Variants in NKD2 observed in about 807,000 individuals in gnomAD.
NKD2 encodes protein naked cuticle homolog 2.
In NKD2, 43 loss-of-function variants were observed where a neutral mutation model predicts 34.8. The observed-to-expected ratio is 1.24, with a 90% CI of 0.97 to 1.60. The LOEUF (loss-of-function observed/expected upper bound fraction) is 1.60. Among genes scored for constraint, NKD2 ranks in the 40% most tolerant of loss-of-function variants. The pLI, the probability that NKD2 is intolerant of heterozygous loss-of-function variation, is 0.00. For missense variants in NKD2, 675 were observed against 627.1 expected (o/e 1.08, Z -0.82); for synonymous variants, 278 against 265.1 (o/e 1.05, Z -0.47).
At chr5:1,027,845 G>A (rs1196500434) in intron 3 of NKD2, among the ~76,000 whole-genome samples, 3 of 152,234 alleles carry the variant, frequency 2.0e-5, no homozygotes, top group Non-Finnish European at 4.4e-5. Context: ...GACATCGCCC[G>A]CTCCAGGTGG....
rs1756670063 is a variant in NKD2 at position 1,032,175 on chromosome 5, G to A, written c.165G>A (p.Lys55=). Residue 55 remains lysine (K), a synonymous_variant, in exon 4 of 10, where the codon AAG becomes AAA. Coordinates refer to ENST00000296849, the MANE Select transcript of NKD2 (RefSeq NM_033120.4). ...AGGAGCTGCCCAATGGGGACCCCAA[G>A]GAGGGGCCTTTCCGGGAGGACCAGT... ...DKQELPNGDP[K]EGPFREDQCP... 1 of 1,610,770 alleles carries A rather than the reference G, an allele frequency of 6.2e-7. No homozygotes were observed. Among genetic ancestry groups the A allele is most frequent in the Non-Finnish European group, 8.5e-7 (1 of 1,179,122 alleles).
Position 1,037,989 on chromosome 5 carries a change from G to A in NKD2, c.972G>A (p.Lys324=). Residue 324 remains lysine (K), a synonymous_variant, in exon 10 of 10, where the codon AAG becomes AAA. Coordinates refer to ENST00000296849, the MANE Select transcript of NKD2 (RefSeq NM_033120.4). ...ARALDTQPRP[K]GPEKQFLKSP... ...CCCTGGACACGCAGCCCCGGCCGAA[G>A]GGGCCGGAGAAGCAGTTCCTCAAGT... is the stretch of plus-strand genomic sequence containing the variant. 1 of 1,606,398 alleles carries A rather than the reference G, an allele frequency of 6.2e-7. No homozygotes were observed. Among genetic ancestry groups the A allele is most frequent in the Non-Finnish European group, 8.5e-7 (1 of 1,178,032 alleles).
At chr5:1,033,970 C>T (rs1032840341) in intron 5 of NKD2, among the ~76,000 whole-genome samples, 2 of 152,230 alleles carry the variant, frequency 1.3e-5, no homozygotes, top group Non-Finnish European at 2.9e-5. Context: ...ACGTGGAGTG[C>T]TTGCATGAGC....
In NKD2 at chr5:1,038,358, C is replaced by T. The variant is rs1734126050; in HGVS notation, c.1341C>T (p.His447=). The T allele has an allele frequency of 1.3e-6, 2 of 1,536,054 alleles. No homozygotes were observed. The highest frequency in any genetic ancestry group is 1.7e-6 in the Non-Finnish European group (2 of 1,147,102). ...ACCACCACCACCACCACCACCACCACTTCCACCCGTCCTAGCGCCACTGCC... is the reference window on the plus strand; with the variant it reads ...ACCACCACCACCACCACCACCACCATTTCCACCCGTCCTAGCGCCACTGCC... ...HEHHHHHHHH[H]FHPS is the part of the protein sequence containing the mutation. Residue 447 remains histidine, a synonymous_variant, in exon 10 of 10, where the codon CAC becomes CAT. Coordinates refer to ENST00000296849, the MANE Select transcript of NKD2 (RefSeq NM_033120.4). This position sits in a 1 kb window ranked among gnomAD's most constrained non-coding sequence, Gnocchi z 4.5.
intron 3 of NKD2, among the ~76,000 whole-genome samples, chr5:1,028,588 G>A (rs368677364): frequency 9.9e-5 from 15 of 152,232 alleles, no homozygotes; most frequent in East Asian, 7.8e-4. Context: ...AGGGGACAAC[G>A]GGCATGGGGA....
chr5:1,027,344 CG>C (rs889304342), intron 3 of NKD2, among the ~76,000 whole-genome samples: 1 of 152,218 alleles, frequency 6.6e-6, no homozygotes, highest in Non-Finnish European at 1.5e-5. Context: ...CTGTGTCAGG[CG>C]GTGTAGGAGC....
At position 1,038,474 on chromosome 5, in the gene NKD2, C is replaced by T. The variant is rs779669812; in HGVS notation, c.*101C>T. The stretch of plus-strand genomic sequence containing the variant: ...GCTGTGTGCCCATGGGGAGCCCAGC[C>T]CCCACCCCCCACCTCCGACAGCAAA... On this transcript the variant is annotated 3_prime_UTR_variant, in exon 10 of 10. Transcript: ENST00000296849. This position sits in a 1 kb window ranked among gnomAD's most constrained non-coding sequence, Gnocchi z 4.5. 8 of 1,533,354 alleles carry T rather than the reference C, an allele frequency of 5.2e-6. No homozygotes were observed. The South Asian group carries it at 6.0e-5, about 11-fold the overall frequency. 95.0% of individuals were successfully genotyped at this position (1,533,354 alleles called of 1,614,324 possible).
intron 9 of NKD2, chr5:1,036,923 G>A (rs754231759): frequency 2.0e-4 from 82 of 404,810 alleles, no homozygotes; most frequent in African/African-American, 1.6e-3. Flanking sequence ...CAGTGTGGAC[G>A]GCGGGCAGTG....
intron 6 of NKD2, 54 bp from the exon 7 acceptor site, chr5:1,034,702 C>T (rs954009544): frequency 3.4e-5 from 52 of 1,550,446 alleles, no homozygotes; most frequent in South Asian, 1.6e-4. Flanking sequence ...GCAGGGAGGG[C>T]GGGTGGTGTC....
At chr5:1,018,860 A>G (rs925089851) in intron 3 of NKD2, among the ~76,000 whole-genome samples, 2 of 152,042 alleles carry the variant, frequency 1.3e-5, no homozygotes, top group Admixed American at 1.3e-4. Context: ...TGTCGTGGGG[A>G]GAGAGTGTCA....
chr5:1,009,427 CGT>C lies in NKD2; in HGVS notation c.62-53_62-52del. The C allele has an allele frequency of 7.1e-7, 1 of 1,414,264 alleles. No homozygotes were observed. Among genetic ancestry groups the C allele is most frequent in the South Asian group, 1.3e-5 (1 of 77,924 alleles). The allele number at this position is 1,414,264 out of a possible 1,614,324, so 87.6% of individuals were successfully genotyped here. Reference sequence around the variant, plus strand: ...CGCAGCGCCCGCGGGGCTCACGGCGCGTCTCTTTCCCTCCTCGGTGCGGGTTT... The same window carrying C: ...CGCAGCGCCCGCGGGGCTCACGGCGCCTCTTTCCCTCCTCGGTGCGGGTTT... On this transcript the variant is annotated intron_variant, in intron 2 of 9. Transcript: ENST00000296849. This position sits in a 1 kb window ranked among gnomAD's most constrained non-coding sequence, Gnocchi z 6.9.
chr5:1,018,023 C>G (rs917362452), intron 3 of NKD2, among the ~76,000 whole-genome samples: 2 of 152,018 alleles, frequency 1.3e-5, no homozygotes, highest in East Asian at 1.9e-4. Flanking sequence ...AGCGTGGCCC[C>G]CCAGAGGCTT....
At chr5:1,031,189 G>T (rs1756631928) in intron 3 of NKD2, among the ~76,000 whole-genome samples, 1 of 152,172 alleles carries the variant, frequency 6.6e-6, no homozygotes, top group African/African-American at 2.4e-5. Flanking sequence ...CAGCCCCATA[G>T]GAGGTCAGAA....
At chr5:1,028,437 G>C (rs1352854334) in intron 3 of NKD2, among the ~76,000 whole-genome samples, 1 of 152,206 alleles carries the variant, frequency 6.6e-6, no homozygotes, top group Non-Finnish European at 1.5e-5. Context: ...TGCTGAGTGA[G>C]GGAGTGGGGT....
chr5:1,018,594 C>G (rs1304032839), intron 3 of NKD2, among the ~76,000 whole-genome samples: 1 of 152,132 alleles, frequency 6.6e-6, no homozygotes, highest in South Asian at 2.1e-4. Context: ...CAGATGGTGA[C>G]GCCCAGCCCC....
intron 3 of NKD2, among the ~76,000 whole-genome samples, chr5:1,031,736 A>G (rs1184578660): frequency 6.6e-6 from 1 of 152,130 alleles, no homozygotes; most frequent in East Asian, 1.9e-4. Flanking sequence ...CTGGGCAGCC[A>G]TGCGGGCAGC....
intron 3 of NKD2, among the ~76,000 whole-genome samples, chr5:1,017,323 G>C (rs6861063): frequency 0.71 from 107,400 of 152,228 alleles, 44,474 homozygotes; most frequent in South Asian, 0.9. Flanking sequence ...ACTGTCCCGA[G>C]GGCGTGCCAG....
chr5:1,018,326 C>T (rs773817839), intron 3 of NKD2, among the ~76,000 whole-genome samples: 6 of 152,316 alleles, frequency 3.9e-5, no homozygotes, highest in Middle Eastern at 3.4e-3. Context: ...CCATGTTCCT[C>T]GGGCTCCGAG....
In NKD2 at chr5:1,028,851, G is replaced by A. The variant is rs180912484; in HGVS notation, c.142-3301G>A. Among the ~76,000 whole-genome samples the A allele has an allele frequency of 4.6e-5, 7 of 152,270 alleles. No individual in the cohort carries two copies. In the East Asian group the frequency reaches 1.2e-3, roughly 25 times the overall value. On this transcript the variant is annotated intron_variant, in intron 3 of 9. Coordinates refer to ENST00000296849, the MANE Select transcript of NKD2 (RefSeq NM_033120.4). ...GTCCTCAGGAGGGCGAGGCCAGGTG[G>A]GGGCTGCATCTCAGGGAGGGGCGCC...
Sources: allele counts gnomAD v4.1 joint callset (sites outside exome capture counted in the v4.1 genomes callset), GRCh38; gene constraint gnomAD v4.1.1; non-coding constraint Gnocchi (gnomAD v3.1); transcripts MANE v1.5; gene names NCBI Gene and HGNC (gene_info 2026-07-23, HGNC 2026-07-21).